TMTC2: variants seen among roughly 807,000 people sequenced by gnomAD.
The protein encoded by TMTC2 is transmembrane O-mannosyltransferase targeting cadherins 2.
In TMTC2, 43 loss-of-function variants were observed where a neutral mutation model predicts 82.4. That is an observed-to-expected ratio of 0.52 (90% CI 0.41 to 0.67). TMTC2 has a LOEUF of 0.67. Ranked by LOEUF, TMTC2 falls within the 30% of genes least tolerant of loss-of-function variation. The probability of loss-of-function intolerance (pLI) is 0.00; values close to 1 mark genes in which losing one functional copy is unlikely to be tolerated. For synonymous variants in TMTC2, 408 were observed against 381.9 expected (o/e 1.07, Z -0.80); for missense variants, 919 against 1,012.4 (o/e 0.91, Z 1.25).
At chr12:83,065,631 T>G (rs1882892161) in intron 11 of TMTC2, among the ~76,000 whole-genome samples, 1 of 151,928 alleles carries the variant, frequency 6.6e-6, no homozygotes, top group Non-Finnish European at 1.5e-5. Context: ...TTTTTTTAGT[T>G]TTAATTTTTT....
chr12:83,106,146 A>G (rs1884385014), intron 11 of TMTC2, among the ~76,000 whole-genome samples: 1 of 152,184 alleles, frequency 6.6e-6, no homozygotes. Flanking sequence ...CAGGAATATG[A>G]AAGAGAAGTT....
intron 3 of TMTC2, among the ~76,000 whole-genome samples, chr12:82,925,845 G>T (rs945929107): frequency 6.6e-6 from 1 of 152,118 alleles, no homozygotes; most frequent in African/African-American, 2.4e-5. Context: ...CAATGGCCTT[G>T]AAGTGAAAGG....
At chr12:82,735,830 A>G (rs1203754981) in intron 1 of TMTC2, among the ~76,000 whole-genome samples, 1 of 152,038 alleles carries the variant, frequency 6.6e-6, no homozygotes, top group South Asian at 2.1e-4. Flanking sequence ...AATAAAAAAT[A>G]AAAAAATTAG....
In TMTC2 at chr12:83,132,596, G is replaced by T. The variant is rs1269318560; in HGVS notation, c.*207G>T. 1 of 561,680 alleles carries T rather than the reference G, an allele frequency of 1.8e-6. No homozygotes were observed. Among genetic ancestry groups the T allele is most frequent in the Non-Finnish European group, 3.0e-6 (1 of 330,430 alleles). The allele number at this position is 561,680 out of a possible 1,614,324, so 34.8% of individuals were successfully genotyped here. ...AAAGGGGAAAGCCGGAAACCTCCTG[G>T]AGGATGTCATTGTTACCCATAGACT... On this transcript the variant is annotated 3_prime_UTR_variant, in exon 12 of 12. Coordinates refer to ENST00000321196, the MANE Select transcript of TMTC2 (RefSeq NM_152588.3).
intron 11 of TMTC2, among the ~76,000 whole-genome samples, chr12:83,097,804 T>C (rs766431330): frequency 6.6e-6 from 1 of 152,114 alleles, no homozygotes; most frequent in Non-Finnish European, 1.5e-5. Flanking sequence ...TATATGCGCA[T>C]GCACAGGAAG....
At chr12:82,761,695 C>A (rs993202704) in intron 1 of TMTC2, among the ~76,000 whole-genome samples, 2 of 152,080 alleles carry the variant, frequency 1.3e-5, no homozygotes, top group Non-Finnish European at 2.9e-5. Flanking sequence ...CTCTTTATTT[C>A]CAGGAGTCCC....
intron 7 of TMTC2, among the ~76,000 whole-genome samples, chr12:82,975,128 A>G (rs1393598204): frequency 1.3e-5 from 2 of 152,128 alleles, no homozygotes; most frequent in African/African-American, 4.8e-5. Context: ...TTGTCGGCCT[A>G]ATATCTTTTA....
intron 2 of TMTC2, among the ~76,000 whole-genome samples, chr12:82,879,675 G>A (rs543851402): frequency 6.6e-6 from 1 of 152,302 alleles, no homozygotes; most frequent in South Asian, 2.1e-4. Flanking sequence ...TGGGTGGTGA[G>A]ATTCTCAGTA....
intron 11 of TMTC2, among the ~76,000 whole-genome samples, chr12:83,072,784 TTAAA>T (rs1269523951): frequency 6.6e-6 from 1 of 152,218 alleles, no homozygotes; most frequent in Non-Finnish European, 1.5e-5. Context: ...TGCTGTTGCT[TTAAA>T]ATTTGTTTTG....
chr12:82,908,081 A>G (rs1449982051), intron 3 of TMTC2, among the ~76,000 whole-genome samples: 1 of 152,170 alleles, frequency 6.6e-6, no homozygotes, highest in Non-Finnish European at 1.5e-5. Flanking sequence ...CGAGGGCAAC[A>G]GAGCGAGATT....
chr12:82,963,250 TCTC>T (rs1878021738), intron 4 of TMTC2, among the ~76,000 whole-genome samples: 1 of 151,910 alleles, frequency 6.6e-6, no homozygotes, highest in African/African-American at 2.4e-5. Flanking sequence ...GGTGTTTTCT[TCTC>T]CTATGTCTAA....
chr12:82,783,671 T>C (rs955263997), intron 1 of TMTC2, among the ~76,000 whole-genome samples: 3 of 152,116 alleles, frequency 2.0e-5, no homozygotes, highest in African/African-American at 7.2e-5. Context: ...GAGTGCTTCC[T>C]ACTAAGTTGT....
At chr12:82,990,504 G>A (rs1347016918) in intron 8 of TMTC2, among the ~76,000 whole-genome samples, 2 of 152,008 alleles carry the variant, frequency 1.3e-5, no homozygotes, top group Non-Finnish European at 1.5e-5. Context: ...CTCTTTGCCT[G>A]TTCAGATTTT....
intron 3 of TMTC2, among the ~76,000 whole-genome samples, chr12:82,898,467 T>C (rs748611778): frequency 1.3e-5 from 2 of 152,222 alleles, no homozygotes; most frequent in Non-Finnish European, 2.9e-5. Flanking sequence ...CAGGCTAAGC[T>C]GCTGTTACAA....
chr12:82,929,771 TA>T (rs1875927276), intron 3 of TMTC2, among the ~76,000 whole-genome samples: 1 of 152,154 alleles, frequency 6.6e-6, no homozygotes, highest in South Asian at 2.1e-4. Context: ...TGCCTTTTGT[TA>T]TTTTTAATAT....
intron 9 of TMTC2, among the ~76,000 whole-genome samples, chr12:83,049,291 A>G (rs1882256939): frequency 6.6e-6 from 1 of 152,092 alleles, no homozygotes; most frequent in South Asian, 2.1e-4. Flanking sequence ...CCCAAGGGGC[A>G]GTTTTTTGAT....
At chr12:83,049,100 G>A (rs999184047) in intron 9 of TMTC2, among the ~76,000 whole-genome samples, 2 of 152,158 alleles carry the variant, frequency 1.3e-5, no homozygotes, top group African/African-American at 4.8e-5. Context: ...GGCCACCAGA[G>A]AGCATTTAGC....
At chr12:82,741,467 C>T (rs559579705) in intron 1 of TMTC2, among the ~76,000 whole-genome samples, 3 of 152,252 alleles carry the variant, frequency 2.0e-5, no homozygotes, top group South Asian at 2.1e-4. Flanking sequence ...CGCGCCACCA[C>T]GCCTGGCTAA....
intron 1 of TMTC2, among the ~76,000 whole-genome samples, chr12:82,784,966 C>T (rs1199144200): frequency 1.3e-5 from 2 of 151,940 alleles, no homozygotes; most frequent in African/African-American, 4.8e-5. Flanking sequence ...TTTACAATTT[C>T]TGTGTCTTTT....
Sources: allele counts gnomAD v4.1 joint callset (sites outside exome capture counted in the v4.1 genomes callset), GRCh38; gene constraint gnomAD v4.1.1; transcripts MANE v1.5; gene names NCBI Gene and HGNC (gene_info 2026-07-23, HGNC 2026-07-21).